The following ULK4 variants were observed in gnomAD, a reference collection of about 807,000 sequenced individuals.
ULK4 encodes the protein unc-51 like kinase 4, also known as inactive serine/threonine-protein kinase ULK4.
ULK4 carries 133 observed loss-of-function variants against 160.6 expected under a neutral mutation model. That is an observed-to-expected ratio of 0.83 (90% CI 0.72 to 0.96). The LOEUF is 0.96. Among genes scored for constraint, ULK4 ranks in the 40% least tolerant of loss-of-function variants. The pLI is 0.00. For missense variants in ULK4, 1,580 were observed against 1,499.5 expected, an observed-to-expected ratio of 1.05 and a Z score of -0.89; for synonymous variants, 534 against 539.8, an observed-to-expected ratio of 0.99 and a Z score of 0.15.
intron 35 of ULK4, among the ~76,000 whole-genome samples, chr3:41,332,876 T>A (rs764455016): frequency 3.3e-5 from 5 of 152,206 alleles, no homozygotes; most frequent in Non-Finnish European, 5.9e-5. Flanking sequence ...CCCAATGTTT[T>A]GTTCCCACTT....
At chr3:41,326,122 C>G (rs10212540) in intron 35 of ULK4, among the ~76,000 whole-genome samples, 39,400 of 151,952 alleles carry the variant, frequency 0.26, 5,401 homozygotes, top group African/African-American at 0.34. Flanking sequence ...CTTTAGCACA[C>G]CATAAGCATG....
chr3:41,378,397 T>C (rs2081563051), intron 35 of ULK4, among the ~76,000 whole-genome samples: 1 of 149,412 alleles, frequency 6.7e-6, no homozygotes, highest in African/African-American at 2.5e-5. Flanking sequence ...AAAGAATAAA[T>C]AAATAAAATA....
At chr3:41,708,474 G>T (rs2036981276) in intron 25 of ULK4, among the ~76,000 whole-genome samples, 3 of 152,272 alleles carry the variant, frequency 2.0e-5, no homozygotes, top group Admixed American at 6.5e-5. Context: ...AACTAAAAAA[G>T]TTGAACTCAG....
intron 32 of ULK4, among the ~76,000 whole-genome samples, chr3:41,541,554 A>G (rs556901205): frequency 2.0e-5 from 3 of 152,102 alleles, no homozygotes; most frequent in Non-Finnish European, 4.4e-5. Flanking sequence ...GTTTGTTCCA[A>G]TTTTGTGAAA....
At chr3:41,690,308 G>T (rs1439431055) in intron 27 of ULK4, among the ~76,000 whole-genome samples, 2 of 151,386 alleles carry the variant, frequency 1.3e-5, no homozygotes, top group African/African-American at 2.4e-5. Context: ...GGGGGAGTGG[G>T]GAGGGATAGC....
intron 31 of ULK4, among the ~76,000 whole-genome samples, chr3:41,605,702 T>C (rs1275666722): frequency 1.3e-5 from 2 of 151,952 alleles, no homozygotes; most frequent in Non-Finnish European, 2.9e-5. Flanking sequence ...GACAGAAAAG[T>C]AGACAGAAAA....
At chr3:41,378,445 T>C (rs2081564334) in intron 35 of ULK4, among the ~76,000 whole-genome samples, 1 of 152,024 alleles carries the variant, frequency 6.6e-6, no homozygotes, top group South Asian at 2.1e-4. Flanking sequence ...TGGAATACTA[T>C]GCAGCCATAA....
At chr3:41,910,192 G>C (rs375490481) in intron 11 of ULK4, among the ~76,000 whole-genome samples, 1 of 152,058 alleles carries the variant, frequency 6.6e-6, no homozygotes. Context: ...TACTGAGCCC[G>C]GTCCATACTA....
At chr3:41,715,056 T>G (rs1378098760) in intron 25 of ULK4, among the ~76,000 whole-genome samples, 181 bp downstream of exon 25, 1 of 152,282 alleles carries the variant, frequency 6.6e-6, no homozygotes, top group East Asian at 1.9e-4. Context: ...GGAGAGAATG[T>G]GTTTTCTCCA....
intron 34 of ULK4, among the ~76,000 whole-genome samples, chr3:41,452,468 T>C (rs186560573): frequency 2.0e-5 from 3 of 152,254 alleles, no homozygotes; most frequent in Admixed American, 6.5e-5. Flanking sequence ...AATTAAACAG[T>C]GTAATCAGGG....
chr3:41,555,721 A>T (rs2087268136), intron 32 of ULK4, among the ~76,000 whole-genome samples: 1 of 152,230 alleles, frequency 6.6e-6, no homozygotes, highest in African/African-American at 2.4e-5. Context: ...CATGCACACT[A>T]TGTTTACTGC....
intron 22 of ULK4, among the ~76,000 whole-genome samples, chr3:41,745,403 A>T (rs186338626): frequency 1.8e-3 from 279 of 151,862 alleles, no homozygotes; most frequent in South Asian, 0.011. Flanking sequence ...AATAATTTTT[A>T]AAAAATTGAC....
chr3:41,929,474 A>G (rs1699508410), intron 5 of ULK4, among the ~76,000 whole-genome samples: 1 of 152,220 alleles, frequency 6.6e-6, no homozygotes, highest in African/African-American at 2.4e-5. Context: ...TCAACATAGT[A>G]TTGGAAGTTC....
At position 41,469,602 on chromosome 3, in the gene ULK4, C is replaced by CAAAAAAAAAAAAAAA. The variant is rs71616008; in HGVS notation, c.3227-6364_3227-6350dup. Among the ~76,000 whole-genome samples, 94 of 11,320 alleles carry CAAAAAAAAAAAAAAA rather than the reference C, an allele frequency of 8.3e-3. 3 individuals are homozygous for CAAAAAAAAAAAAAAA. The highest frequency in any genetic ancestry group is 0.011 in the African/African-American group (36 of 3,160). The allele number at this position is 11,320 out of a possible 152,430, so 7.4% of individuals were successfully genotyped here. A position where few individuals can be genotyped will look rare whatever the true frequency, so the allele number is the denominator to read the frequency against. On this transcript the variant is annotated intron_variant, in intron 32 of 36. Transcript: ENST00000301831. ...TGAAAGAGTGAAGGCCTACACCTGC[C>CAAAAAAAAAAAAAAA]AAAAAAAAAAAAAAAAAAAAAAAAA...
Position 41,819,428 on chromosome 3 carries a change from C to T in ULK4, c.1843G>A (p.Glu615Lys), listed in dbSNP as rs2041068682. 1 of 1,613,726 alleles carries T rather than the reference C, an allele frequency of 6.2e-7. No homozygotes were observed. Among genetic ancestry groups the T allele is most frequent in the Admixed American group, 1.7e-5 (1 of 59,966 alleles). Residue 615 changes from glutamate (E) to lysine (K), a missense_variant, in exon 19 of 37, where the codon GAA (glutamate) becomes AAA (lysine). Physicochemically the swap from Glu to Lys is moderately conservative, Grantham distance 56 (BLOSUM62 1). Transcript: ENST00000301831. Reference sequence around the variant, plus strand: ...GGACAACAAAGGAGCCTTACCCCTTCCCGAAGGCACCTCATTAGCACTGTG... The same window carrying T: ...GGACAACAAAGGAGCCTTACCCCTTTCCGAAGGCACCTCATTAGCACTGTG... ...AYTVLMRCLR[E>K]GEERVVNHMA...
chr3:41,333,385 C>A (rs879528476), intron 35 of ULK4, among the ~76,000 whole-genome samples: 1 of 152,212 alleles, frequency 6.6e-6, no homozygotes, highest in African/African-American at 2.4e-5. Flanking sequence ...CAGAGACATA[C>A]TGTAAATTGC....
Position 41,285,872 on chromosome 3 carries a change from G to A in ULK4, c.3679-36298C>T, listed in dbSNP as rs190069916. Among the ~76,000 whole-genome samples, 165 of 152,296 alleles carry A rather than the reference G, an allele frequency of 1.1e-3. 1 individual carries two copies. The South Asian group carries it at 0.011, about 11-fold the overall frequency. On this transcript the variant is annotated intron_variant, in intron 35 of 36. Transcript: ENST00000301831. ...ATAGTAGCTGCCATTTGTGTGAAGC[G>A]GGGAGGAGAATGAATATCTAACACT...
In ULK4 at chr3:41,787,058, A is replaced by C. The variant is rs374127705; in HGVS notation, c.2193+2603T>G. ...GAGAGGGGCAGCCTGGCAAGACAGA[A>C]AATTTTTAGAAAATAGCTACTCTAC... On this transcript the variant is annotated intron_variant, in intron 21 of 36. Transcript: ENST00000301831. Among the ~76,000 whole-genome samples the C allele has an allele frequency of 2.5e-4, 38 of 152,280 alleles. No homozygotes were observed. The South Asian group carries it at 7.9e-3, about 32-fold the overall frequency.
At chr3:41,459,997 C>T (rs1278988293) in intron 33 of ULK4, among the ~76,000 whole-genome samples, 1 of 152,164 alleles carries the variant, frequency 6.6e-6, no homozygotes, top group Non-Finnish European at 1.5e-5. Context: ...CCGCATTCAA[C>T]AACCAGGCAG....
Sources: gnomAD v4.1 joint callset for allele counts (sites outside exome capture counted in the v4.1 genomes callset) on GRCh38, gnomAD v4.1.1 for gene constraint, MANE v1.5 for transcripts, NCBI Gene and HGNC (gene_info 2026-07-23, HGNC 2026-07-21) for gene names.